RABGAP1L: variants seen among roughly 807,000 people sequenced by gnomAD.
The protein encoded by RABGAP1L is rab GTPase-activating protein 1-like.
In RABGAP1L, 63 loss-of-function variants were observed where a neutral mutation model predicts 137.7. That is an observed-to-expected ratio of 0.46 (90% CI 0.37 to 0.56). The LOEUF (loss-of-function observed/expected upper bound fraction) is 0.56, where lower values mean the gene tolerates loss of function less well. Ranked by LOEUF, RABGAP1L falls within the 20% of genes least tolerant of loss-of-function variation. The pLI is 0.00. For missense variants in RABGAP1L, 1,095 were observed against 1,244.0 expected, an observed-to-expected ratio of 0.88 and a Z score of 1.80; for synonymous variants, 431 against 433.7, an observed-to-expected ratio of 0.99 and a Z score of 0.08.
intron 1 of RABGAP1L, among the ~76,000 whole-genome samples, chr1:174,180,597 T>C (rs1666273504): frequency 6.6e-6 from 1 of 152,164 alleles, no homozygotes; most frequent in Non-Finnish European, 1.5e-5. Context: ...CCCAAGTGGC[T>C]GGGACTGAAG....
chr1:174,980,812 C>T (rs541986123), intron 23 of RABGAP1L, among the ~76,000 whole-genome samples: 11 of 152,064 alleles, frequency 7.2e-5, no homozygotes, highest in South Asian at 2.1e-4. Flanking sequence ...GGAGACAGAC[C>T]GCGAATACCA....
chr1:174,581,941 G>T (rs1053059479), intron 13 of RABGAP1L, among the ~76,000 whole-genome samples: 3 of 152,186 alleles, frequency 2.0e-5, no homozygotes, highest in Non-Finnish European at 4.4e-5. Flanking sequence ...AGAGAATGGT[G>T]CCATTACCAC....
intron 13 of RABGAP1L, among the ~76,000 whole-genome samples, chr1:174,516,166 C>T (rs10912802): frequency 0.081 from 12,194 of 149,802 alleles, 1,794 homozygotes; most frequent in African/African-American, 0.29. Flanking sequence ...CACACACACA[C>T]GCTTTGAGAT....
At chr1:174,437,969 A>G (rs932462155) in intron 13 of RABGAP1L, among the ~76,000 whole-genome samples, 1 of 152,220 alleles carries the variant, frequency 6.6e-6, no homozygotes, top group African/African-American at 2.4e-5. Context: ...CAGCCAAACT[A>G]AGCTTCATAA....
chr1:174,603,948 C>T (rs1311390231), intron 13 of RABGAP1L, among the ~76,000 whole-genome samples: 2 of 151,402 alleles, frequency 1.3e-5, no homozygotes, highest in Non-Finnish European at 2.9e-5. Context: ...TTTACTCTCC[C>T]CTCTCCTCTC....
intron 13 of RABGAP1L, among the ~76,000 whole-genome samples, chr1:174,616,700 A>G (rs1671912709): frequency 1.3e-5 from 2 of 152,240 alleles, no homozygotes; most frequent in African/African-American, 4.8e-5. Flanking sequence ...ATTGCGGTTG[A>G]GAATAAAAAG....
intron 17 of RABGAP1L, among the ~76,000 whole-genome samples, chr1:174,735,968 C>T (rs1682910630): frequency 6.6e-6 from 1 of 152,178 alleles, no homozygotes; most frequent in African/African-American, 2.4e-5. Flanking sequence ...TTGGGGATTA[C>T]ACTTCAACAT....
intron 11 of RABGAP1L, among the ~76,000 whole-genome samples, chr1:174,325,006 A>T (rs979602257): frequency 6.6e-6 from 1 of 152,178 alleles, no homozygotes; most frequent in Non-Finnish European, 1.5e-5. Context: ...TAAGAAATAT[A>T]AGAAGAGGAA....
chr1:174,512,835 C>A lies in RABGAP1L; in HGVS notation c.1710+118690C>A, dbSNP rs376248892. Among the ~76,000 whole-genome samples, 17 of 152,244 alleles carry A rather than the reference C, an allele frequency of 1.1e-4. No homozygotes were observed. In the East Asian group the frequency reaches 1.9e-3, roughly 17 times the overall value. ...AGACATTGCTTTAGCCTAGGTAATTCTTCTCAGAGAAGAATAATTATTTAC... is the reference window on the plus strand; with the variant it reads ...AGACATTGCTTTAGCCTAGGTAATTATTCTCAGAGAAGAATAATTATTTAC... On this transcript the variant is annotated intron_variant, in intron 13 of 25. Coordinates refer to ENST00000681986, the MANE Select transcript of RABGAP1L (RefSeq NM_001366446.1).
intron 19 of RABGAP1L, among the ~76,000 whole-genome samples, chr1:174,902,162 C>T (rs747708156): frequency 5.9e-5 from 9 of 152,312 alleles, no homozygotes; most frequent in African/African-American, 1.4e-4. Context: ...TCAGGAGGAA[C>T]GGGATGAGGG....
intron 13 of RABGAP1L, chr1:174,449,300 T>A: frequency 3.0e-6 from 3 of 1,007,676 alleles, no homozygotes; most frequent in Non-Finnish European, 4.4e-6. Context: ...CTTGAATAGT[T>A]GACTGTAAAA....
intron 17 of RABGAP1L, among the ~76,000 whole-genome samples, chr1:174,748,882 A>T (rs1447925079): frequency 6.6e-6 from 1 of 152,012 alleles, no homozygotes; most frequent in Non-Finnish European, 1.5e-5. Flanking sequence ...TCTTAAAAAA[A>T]AAAAAGACAT....
chr1:174,748,814 G>T (rs1342373446), intron 17 of RABGAP1L, among the ~76,000 whole-genome samples: 1 of 152,066 alleles, frequency 6.6e-6, no homozygotes, highest in Admixed American at 6.6e-5. Context: ...GGTCAAGGCT[G>T]CAGTGAGCTC....
chr1:174,935,149 G>A (rs1033219875), intron 19 of RABGAP1L: 1 of 152,068 alleles, frequency 6.6e-6, no homozygotes, highest in East Asian at 1.9e-4. Context: ...ATTTTAAAAT[G>A]GTTTCAGTTT....
At chr1:174,550,917 C>T (rs200214746) in intron 13 of RABGAP1L, among the ~76,000 whole-genome samples, 1,318 of 96,294 alleles carry the variant, frequency 0.014, 79 homozygotes, top group African/African-American at 0.04. Context: ...TATACACACA[C>T]ACACATATAT....
chr1:174,361,106 G>T (rs1256129717), intron 11 of RABGAP1L, among the ~76,000 whole-genome samples: 1 of 152,106 alleles, frequency 6.6e-6, no homozygotes, highest in South Asian at 2.1e-4. Flanking sequence ...GCAGTGAGCC[G>T]AGATGGCACC....
At chr1:174,458,274 T>C (rs1412907357) in intron 13 of RABGAP1L, among the ~76,000 whole-genome samples, 1 of 152,026 alleles carries the variant, frequency 6.6e-6, no homozygotes, top group Middle Eastern at 3.2e-3. Context: ...GGAAATGTTA[T>C]GTTCTACAAA....
intron 5 of RABGAP1L, chr1:174,245,573 T>C (rs1411469739): frequency 6.6e-6 from 1 of 152,186 alleles, no homozygotes; most frequent in Non-Finnish European, 1.5e-5. Context: ...GTTTTAAAAA[T>C]TTTAATACAT....
chr1:174,322,539 T>A (rs558987425), intron 11 of RABGAP1L, among the ~76,000 whole-genome samples: 2 of 152,164 alleles, frequency 1.3e-5, no homozygotes, highest in Non-Finnish European at 2.9e-5. Flanking sequence ...GCTGCTTGGT[T>A]GTCCTTATGA....
Sources: allele counts gnomAD v4.1 joint callset (sites outside exome capture counted in the v4.1 genomes callset), GRCh38; gene constraint gnomAD v4.1.1; transcripts MANE v1.5; gene names NCBI Gene and HGNC (gene_info 2026-07-23, HGNC 2026-07-21).